STK32B: variants seen among roughly 807,000 people sequenced by gnomAD.
STK32B encodes serine/threonine-protein kinase 32B.
STK32B carries 43 observed loss-of-function variants against 52.6 expected under a neutral mutation model. The ratio of observed to expected loss-of-function variants is 0.82; its 90% CI spans 0.64 to 1.05. STK32B has a LOEUF of 1.05. STK32B is among the 50% of genes least tolerant of loss of function. The probability of loss-of-function intolerance (pLI) is 0.00; values close to 1 mark genes in which losing one functional copy is unlikely to be tolerated. For missense variants in STK32B, 621 were observed against 534.6 expected, an observed-to-expected ratio of 1.16 and a Z score of -1.59; for synonymous variants, 238 against 204.3, an observed-to-expected ratio of 1.17 and a Z score of -1.41.
chr4:5,300,562 C>G (rs75085479), intron 3 of STK32B, among the ~76,000 whole-genome samples: 3,603 of 152,258 alleles, frequency 0.024, 140 homozygotes, highest in African/African-American at 0.081. Context: ...ACCCCTAACC[C>G]TGATAAATGA....
the STK32B span, among the ~76,000 whole-genome samples, chr4:5,024,977 G>A: frequency 1.3e-5 from 2 of 152,164 alleles, no homozygotes; most frequent in African/African-American, 4.8e-5. Context: ...GGGAGTTGCT[G>A]TAAAATGCTC....
intron 11 of STK32B, among the ~76,000 whole-genome samples, chr4:5,490,019 C>T (rs1719579764): frequency 6.6e-6 from 1 of 151,882 alleles, no homozygotes; most frequent in African/African-American, 2.4e-5. Flanking sequence ...TACAAACTCA[C>T]TGGTTTACAA....
At chr4:5,063,978 T>C (rs1044334692) in intron 1 of STK32B, among the ~76,000 whole-genome samples, 17 of 152,152 alleles carry the variant, frequency 1.1e-4, no homozygotes, top group African/African-American at 4.1e-4. Context: ...TTCATAACTT[T>C]GTTAATTTTT....
In STK32B at chr4:5,159,667, GTATATGAATATA is replaced by G. The variant is rs1424808208; in HGVS notation, c.109-8616_109-8605del. ...AATGTATATGAATATATATATGAAT[GTATATGAATATA>G]TATATGAATATATATGAATATATAT... On this transcript the variant is annotated intron_variant, in intron 2 of 11. Transcript: ENST00000282908. Among the ~76,000 whole-genome samples the G allele has an allele frequency of 1.0e-3, 26 of 24,874 alleles. 6 individuals are homozygous for G. In the East Asian group the frequency reaches 0.016, roughly 15 times the overall value. 16.3% of individuals were successfully genotyped at this position (24,874 alleles called of 152,430 possible). A position where few individuals can be genotyped will look rare whatever the true frequency, so the allele number is the denominator to read the frequency against.
At chr4:5,220,816 C>T (rs1046124849) in intron 3 of STK32B, among the ~76,000 whole-genome samples, 17 of 152,144 alleles carry the variant, frequency 1.1e-4, no homozygotes, top group Admixed American at 8.5e-4. Flanking sequence ...TTGCAGTAAT[C>T]AACTAAGGTG....
chr4:5,023,675 G>A, the STK32B span, among the ~76,000 whole-genome samples: 2 of 152,098 alleles, frequency 1.3e-5, no homozygotes, highest in Non-Finnish European at 1.5e-5. Flanking sequence ...TCCCCACTTC[G>A]TGAACCCTTT....
chr4:5,039,232 T>C, the STK32B span, among the ~76,000 whole-genome samples: 1 of 152,176 alleles, frequency 6.6e-6, no homozygotes, highest in African/African-American at 2.4e-5. Flanking sequence ...CAGACTCAAG[T>C]GATCCTTCTG....
chr4:5,287,874 T>C (rs1162367088), intron 3 of STK32B, among the ~76,000 whole-genome samples: 1 of 152,198 alleles, frequency 6.6e-6, no homozygotes, highest in African/African-American at 2.4e-5. Flanking sequence ...AGAATATTTT[T>C]ATCTGCCCTA....
chr4:5,406,388 G>A (rs942501107), intron 5 of STK32B, among the ~76,000 whole-genome samples: 1 of 152,120 alleles, frequency 6.6e-6, no homozygotes, highest in African/African-American at 2.4e-5. Context: ...TTGGATAATG[G>A]TGGGCCCTCT....
At chr4:5,411,437 G>A (rs6446358) in intron 5 of STK32B, among the ~76,000 whole-genome samples, 64,426 of 152,120 alleles carry the variant, frequency 0.42, 14,810 homozygotes, top group African/African-American at 0.59. Context: ...CAGACAAAAA[G>A]TAACAATGAA....
intron 5 of STK32B, among the ~76,000 whole-genome samples, chr4:5,411,825 G>A (rs987976220): frequency 6.6e-6 from 1 of 152,088 alleles, no homozygotes; most frequent in African/African-American, 2.4e-5. Context: ...AGAAATGGCT[G>A]TTGTTTAACT....
the STK32B span, among the ~76,000 whole-genome samples, chr4:5,045,567 T>C: frequency 6.6e-6 from 1 of 152,236 alleles, no homozygotes; most frequent in Non-Finnish European, 1.5e-5. Context: ...TTTCCATTTG[T>C]TTGTATCCTC....
chr4:5,433,887 G>A (rs1713806404), intron 6 of STK32B, among the ~76,000 whole-genome samples: 1 of 152,154 alleles, frequency 6.6e-6, no homozygotes, highest in South Asian at 2.1e-4. Flanking sequence ...CCCACCACAT[G>A]CACATCTACA....
intron 3 of STK32B, among the ~76,000 whole-genome samples, chr4:5,203,766 G>C (rs767959345): frequency 1.3e-4 from 19 of 151,884 alleles, no homozygotes; most frequent in Non-Finnish European, 2.8e-4. Flanking sequence ...CTTTGCTTCC[G>C]TGTGCTCACC....
chr4:5,105,587 G>A (rs932506137), intron 1 of STK32B, among the ~76,000 whole-genome samples: 9 of 151,452 alleles, frequency 5.9e-5, no homozygotes, highest in East Asian at 1.9e-4. Context: ...TTTCTGAGAC[G>A]GAGTATCGCA....
At chr4:5,431,013 T>C (rs1337371064) in intron 6 of STK32B, among the ~76,000 whole-genome samples, 1 of 152,198 alleles carries the variant, frequency 6.6e-6, no homozygotes, top group African/African-American at 2.4e-5. Context: ...TCAACCTGTC[T>C]TAGGTAGGCT....
At chr4:5,235,274 C>A (rs1467034375) in intron 3 of STK32B, among the ~76,000 whole-genome samples, 1 of 152,180 alleles carries the variant, frequency 6.6e-6, no homozygotes, top group Non-Finnish European at 1.5e-5. Flanking sequence ...ACAGCAGGCA[C>A]TGGGCAGCAG....
At chr4:5,218,144 C>G (rs1002808629) in intron 3 of STK32B, among the ~76,000 whole-genome samples, 13 of 152,276 alleles carry the variant, frequency 8.5e-5, no homozygotes, top group African/African-American at 3.1e-4. Flanking sequence ...TGCAGAGACA[C>G]TTCTGCTGCA....
intron 3 of STK32B, among the ~76,000 whole-genome samples, chr4:5,313,956 A>G (rs1730484273): frequency 1.3e-5 from 2 of 152,204 alleles, no homozygotes; most frequent in African/African-American, 4.8e-5. Flanking sequence ...TAAGTGGGGA[A>G]ACACATCCTG....
Sources: gnomAD v4.1 joint callset for allele counts (sites outside exome capture counted in the v4.1 genomes callset) on GRCh38, gnomAD v4.1.1 for gene constraint, MANE v1.5 for transcripts, NCBI Gene and HGNC (gene_info 2026-07-23, HGNC 2026-07-21) for gene names.